Variants in CNTNAP2 observed in about 807,000 individuals in gnomAD.
CNTNAP2 encodes contactin-associated protein-like 2.
In CNTNAP2, 98 loss-of-function variants were observed where a neutral mutation model predicts 155.2. The ratio of observed to expected loss-of-function variants is 0.63; its 90% CI spans 0.54 to 0.75. The LOEUF (loss-of-function observed/expected upper bound fraction) is 0.75. Among genes scored for constraint, CNTNAP2 ranks in the 30% least tolerant of loss-of-function variants. CNTNAP2 has a pLI of 0.00. For missense variants in CNTNAP2, 1,727 were observed against 1,688.1 expected (o/e 1.02, Z -0.40); for synonymous variants, 651 against 631.2 (o/e 1.03, Z -0.47).
intron 18 of CNTNAP2, among the ~76,000 whole-genome samples, chr7:148,210,313 C>T (rs956944879): frequency 3.3e-5 from 5 of 152,122 alleles, no homozygotes; most frequent in Admixed American, 1.3e-4. Flanking sequence ...GTAGTGAAGC[C>T]CTCATCTCAT....
At chr7:147,567,141 A>T (rs1004940723) in intron 12 of CNTNAP2, among the ~76,000 whole-genome samples, 1 of 152,168 alleles carries the variant, frequency 6.6e-6, no homozygotes, top group African/African-American at 2.4e-5. Context: ...GGAGCCATGG[A>T]TTGAGCTACA....
chr7:147,088,378 G>T (rs1368060015), intron 4 of CNTNAP2, among the ~76,000 whole-genome samples: 1 of 152,084 alleles, frequency 6.6e-6, no homozygotes, highest in Non-Finnish European at 1.5e-5. Context: ...CTAGAAATTA[G>T]AAAAGAACAA....
chr7:146,626,716 G>A (rs186980), intron 1 of CNTNAP2, among the ~76,000 whole-genome samples: 99,082 of 151,996 alleles, frequency 0.65, 33,732 homozygotes, highest in African/African-American at 0.82. Context: ...AAAGAAAAAT[G>A]CATTTTTCTT....
intron 1 of CNTNAP2, among the ~76,000 whole-genome samples, chr7:146,289,094 G>A (rs969840466): frequency 6.6e-6 from 1 of 152,016 alleles, no homozygotes; most frequent in Non-Finnish European, 1.5e-5. Flanking sequence ...ATGAGCCACC[G>A]CGCCCTGGCA....
intron 11 of CNTNAP2, among the ~76,000 whole-genome samples, chr7:147,486,436 A>G (rs756225646): frequency 6.6e-6 from 1 of 152,148 alleles, no homozygotes; most frequent in East Asian, 1.9e-4. Flanking sequence ...GACACAGGGT[A>G]ATTGGAACAT....
intron 8 of CNTNAP2, among the ~76,000 whole-genome samples, chr7:147,194,598 C>A (rs780616546): frequency 2.0e-5 from 3 of 152,128 alleles, no homozygotes; most frequent in Admixed American, 6.5e-5. Flanking sequence ...TGTTTCCTGA[C>A]TTTTTAATAT....
intron 1 of CNTNAP2, among the ~76,000 whole-genome samples, chr7:146,572,904 T>G (rs895087725): frequency 6.6e-6 from 1 of 152,048 alleles, no homozygotes. Flanking sequence ...AAGAACTATG[T>G]ATGGAAAAGA....
chr7:147,462,176 C>T (rs1483518992), intron 10 of CNTNAP2, among the ~76,000 whole-genome samples: 1 of 152,142 alleles, frequency 6.6e-6, no homozygotes, highest in Admixed American at 6.6e-5. Context: ...GAAGGACAAG[C>T]CTCCCCATCA....
intron 1 of CNTNAP2, among the ~76,000 whole-genome samples, chr7:146,642,896 T>C (rs1272559891): frequency 6.6e-6 from 1 of 152,040 alleles, no homozygotes; most frequent in African/African-American, 2.4e-5. Context: ...GATTTGCATT[T>C]CTCTGATGGC....
rs749699667 is a variant in CNTNAP2, at chr7:148,008,370, T to TCAAA, written c.2383+30397_2383+30400dup. On this transcript the variant is annotated intron_variant, in intron 15 of 23. Coordinates refer to ENST00000361727, the MANE Select transcript of CNTNAP2 (RefSeq NM_014141.6). ...CTGGGTGACAGAGCAAGACTCCATCTCAAACAAACAAACAAACAAGCAAAA... is the reference window on the plus strand; with the variant it reads ...CTGGGTGACAGAGCAAGACTCCATCTCAAACAAACAAACAAACAAACAAGCAAAA... Among the ~76,000 whole-genome samples the TCAAA allele has an allele frequency of 3.9e-5, 6 of 152,096 alleles. No individual in the cohort carries two copies. The East Asian group carries it at 9.6e-4, about 24-fold the overall frequency.
intron 15 of CNTNAP2, among the ~76,000 whole-genome samples, chr7:147,989,767 T>C (rs1801678548): frequency 1.3e-5 from 2 of 152,230 alleles, no homozygotes; most frequent in Admixed American, 1.3e-4. Context: ...CTTCTCATCA[T>C]GTGGATCTCA....
At chr7:147,114,044 T>C (rs1309937278) in intron 5 of CNTNAP2, among the ~76,000 whole-genome samples, 1 of 152,210 alleles carries the variant, frequency 6.6e-6, no homozygotes, top group Non-Finnish European at 1.5e-5. Flanking sequence ...AAAGAAATTC[T>C]TGATTTCTGC....
intron 11 of CNTNAP2, among the ~76,000 whole-genome samples, chr7:147,534,925 C>T (rs1020801129): frequency 1.3e-5 from 2 of 152,172 alleles, no homozygotes; most frequent in Admixed American, 6.5e-5. Context: ...TCAAGTGGCA[C>T]CAGCAGTTTG....
intron 11 of CNTNAP2, among the ~76,000 whole-genome samples, chr7:147,523,681 G>A (rs1309870871): frequency 6.6e-6 from 1 of 152,150 alleles, no homozygotes; most frequent in Non-Finnish European, 1.5e-5. Flanking sequence ...AACTGCACAG[G>A]TGCCTTGTGA....
chr7:146,476,162 C>T (rs1207524432), intron 1 of CNTNAP2, among the ~76,000 whole-genome samples: 1 of 152,046 alleles, frequency 6.6e-6, no homozygotes, highest in East Asian at 1.9e-4. Flanking sequence ...TCAACTTCAC[C>T]TTTATTTTTC....
At chr7:146,657,373 T>G (rs1800013010) in intron 1 of CNTNAP2, among the ~76,000 whole-genome samples, 1 of 152,220 alleles carries the variant, frequency 6.6e-6, no homozygotes, top group South Asian at 2.1e-4. Context: ...CAATCAAAGA[T>G]TTCCAAATAG....
intron 18 of CNTNAP2, among the ~76,000 whole-genome samples, chr7:148,185,121 C>T (rs1268333681): frequency 6.6e-6 from 1 of 152,138 alleles, no homozygotes; most frequent in African/African-American, 2.4e-5. Context: ...AGTGCTCGCC[C>T]GTCTCTCTGT....
intron 15 of CNTNAP2, among the ~76,000 whole-genome samples, chr7:148,077,029 G>A (rs564606052): frequency 1.2e-4 from 19 of 152,064 alleles, no homozygotes; most frequent in Admixed American, 4.6e-4. Context: ...ATATACAGGC[G>A]GGGCATGGTG....
At chr7:146,679,795 G>A (rs183019001) in intron 1 of CNTNAP2, among the ~76,000 whole-genome samples, 1 of 151,466 alleles carries the variant, frequency 6.6e-6, no homozygotes, top group Non-Finnish European at 1.5e-5. Flanking sequence ...CCCAATTATA[G>A]CGGTAACATT....
Sources: gnomAD v4.1 joint callset for allele counts (sites outside exome capture counted in the v4.1 genomes callset) on GRCh38, gnomAD v4.1.1 for gene constraint, MANE v1.5 for transcripts, NCBI Gene and HGNC (gene_info 2026-07-23, HGNC 2026-07-21) for gene names.